Variants in SLC9A7 observed in about 807,000 individuals in gnomAD.
The protein encoded by SLC9A7 is sodium/hydrogen exchanger 7.
Under a neutral mutation model 52.6 loss-of-function variants are expected in SLC9A7, and 19 were observed. The ratio of observed to expected loss-of-function variants is 0.36; its 90% confidence interval spans 0.25 to 0.53. SLC9A7 has a LOEUF of 0.53. Ranked by LOEUF, SLC9A7 falls within the 20% of genes least tolerant of loss-of-function variation. SLC9A7 has a pLI of 0.91. For missense variants in SLC9A7, 455 were observed against 597.9 expected (o/e 0.76, Z 2.49); for synonymous variants, 226 against 252.1 (o/e 0.90, Z 0.98).
intron 1 of SLC9A7, among the ~76,000 whole-genome samples, chrX:46,731,908 A>G (rs1427481675): frequency 8.9e-6 from 1 of 112,310 alleles, no homozygotes; most frequent in East Asian, 2.8e-4. Flanking sequence ...ATCATTACTT[A>G]TAAGAGAAAT....
At position 46,713,512 on chromosome X, in the gene SLC9A7, A is replaced by G. The variant is rs5952929; in HGVS notation, c.326-30977T>C. On this transcript the variant is annotated intron_variant, in intron 1 of 16. Coordinates refer to ENST00000616978, the MANE Select transcript of SLC9A7 (RefSeq NM_001257291.2). The stretch of plus-strand genomic sequence containing the variant: ...GTACAACTCCATCTCAAAAAAAATT[A>G]AAAAAAAAAGACAAAAGAAAAGAAA... Among the ~76,000 whole-genome samples the G allele has an allele frequency of 4.7e-5, 5 of 105,606 alleles. No homozygotes were observed. In the South Asian group the frequency reaches 1.6e-3, roughly 35 times the overall value. The allele number at this position is 105,606 out of a possible 115,157, so 91.7% of individuals were successfully genotyped here.
intron 12 of SLC9A7, among the ~76,000 whole-genome samples, 172 bp downstream of exon 12, chrX:46,643,064 T>G (rs1179104898): frequency 8.9e-6 from 1 of 112,014 alleles, no homozygotes; most frequent in Admixed American, 9.4e-5. Flanking sequence ...AACCCCATAC[T>G]CCAAACTTTT....
In SLC9A7 at chrX:46,758,680, C is replaced by CG. The variant is rs781911689; in HGVS notation, c.325+24dup. The CG allele has an allele frequency of 6.6e-6, 7 of 1,061,868 alleles. 1 individual carries two copies. The highest frequency in any genetic ancestry group is 2.7e-4 in the Middle Eastern group (1 of 3,656). The allele number at this position is 1,061,868 out of a possible 1,213,427, so 87.5% of individuals were successfully genotyped here. ...CGCGGCGGCCGAGGGGTGTGGAGGG[C>CG]GGGGGGTGTAACAGGGGTGCTCACC... On this transcript the variant is annotated intron_variant, in intron 1 of 16. Coordinates refer to ENST00000616978, the MANE Select transcript of SLC9A7 (RefSeq NM_001257291.2).
chrX:46,672,654 A>C (rs1427975504), intron 3 of SLC9A7, 27 bp from the exon 4 acceptor site: 1 of 1,071,675 alleles, frequency 9.3e-7, no homozygotes, highest in Non-Finnish European at 1.3e-6. Context: ...AACAAAACCC[A>C]GGAATCACAT....
intron 1 of SLC9A7, among the ~76,000 whole-genome samples, chrX:46,717,690 T>A (rs1290880247): frequency 9.0e-6 from 1 of 111,675 alleles, no homozygotes; most frequent in East Asian, 2.8e-4. Context: ...CCAATCTTTA[T>A]TCATTTCAGA....
intron 1 of SLC9A7, among the ~76,000 whole-genome samples, chrX:46,735,020 T>C (rs1445337298): frequency 8.9e-6 from 1 of 112,161 alleles, no homozygotes; most frequent in Non-Finnish European, 1.9e-5. Flanking sequence ...AATGTATCTA[T>C]GTCTTTATAT....
intron 1 of SLC9A7, among the ~76,000 whole-genome samples, chrX:46,708,318 G>A (rs764795846): frequency 4.2e-4 from 46 of 110,516 alleles, no homozygotes; most frequent in Non-Finnish European, 7.6e-4. Flanking sequence ...ACCTGAGGTC[G>A]GGAGTTGGAG....
At chrX:46,653,295 T>G (rs1943613401) in intron 8 of SLC9A7, among the ~76,000 whole-genome samples, 1 of 110,841 alleles carries the variant, frequency 9.0e-6, no homozygotes, top group Non-Finnish European at 1.9e-5. Context: ...CTTGGGAGGG[T>G]GAAGGGGGAA....
intron 1 of SLC9A7, among the ~76,000 whole-genome samples, chrX:46,702,497 A>G (rs1944546083): frequency 1.8e-5 from 2 of 111,247 alleles, no homozygotes; most frequent in African/African-American, 3.3e-5. Context: ...CATGTGTACT[A>G]ATGTTTAGCT....
rs776750971 is a variant in SLC9A7 at position 46,666,626 on chromosome X, G to A, written c.793+2981C>T. Among the ~76,000 whole-genome samples, 4 of 112,055 alleles carry A rather than the reference G, an allele frequency of 3.6e-5. No individual in the cohort carries two copies. In the South Asian group the frequency reaches 1.1e-3, roughly 31 times the overall value. ...AGTCTTCATAGGCCAAATGAAAATG[G>A]AGTAGCATGGTAATGCCTTCCATTA... On this transcript the variant is annotated intron_variant, in intron 5 of 16. Coordinates refer to ENST00000616978, the MANE Select transcript of SLC9A7 (RefSeq NM_001257291.2).
chrX:46,750,010 G>T (rs1922119980), intron 1 of SLC9A7, among the ~76,000 whole-genome samples: 1 of 110,082 alleles, frequency 9.1e-6, no homozygotes, highest in South Asian at 4.0e-4. Flanking sequence ...GAACCCAGGA[G>T]GCGGAGGTTG....
intron 3 of SLC9A7, among the ~76,000 whole-genome samples, chrX:46,679,162 G>A (rs1016124858): frequency 2.7e-5 from 3 of 111,635 alleles, no homozygotes; most frequent in Non-Finnish European, 3.8e-5. Flanking sequence ...TTTTTCACTC[G>A]GCATAATGCC....
chrX:46,669,441 C>T (rs1209071387), intron 5 of SLC9A7, among the ~76,000 whole-genome samples, 166 bp downstream of exon 5: 1 of 109,985 alleles, frequency 9.1e-6, no homozygotes, highest in Non-Finnish European at 1.9e-5. Context: ...GAAAAGCCAT[C>T]TAAGTCTGTT....
At chrX:46,724,200 C>T (rs140465775) in intron 1 of SLC9A7, among the ~76,000 whole-genome samples, 21 of 111,800 alleles carry the variant, frequency 1.9e-4, no homozygotes, top group African/African-American at 6.5e-4. Flanking sequence ...TGAGAATAGC[C>T]CATTGCGGTT....
intron 14 of SLC9A7, among the ~76,000 whole-genome samples, 154 bp from the exon 15 acceptor site, chrX:46,621,213 T>C (rs1402995515): frequency 8.9e-6 from 1 of 112,251 alleles, no homozygotes; most frequent in Non-Finnish European, 1.9e-5. Flanking sequence ...GGAGGTAGCA[T>C]TTGAGCAGAA....
At chrX:46,656,637 AT>A (rs1173175724) in intron 7 of SLC9A7, among the ~76,000 whole-genome samples, 6 of 112,100 alleles carry the variant, frequency 5.4e-5, no homozygotes, top group Non-Finnish European at 1.1e-4. Context: ...GGAAGATGAA[AT>A]GAATGAAATG....
chrX:46,672,029 C>G (rs1174671464), intron 4 of SLC9A7, among the ~76,000 whole-genome samples: 1 of 112,035 alleles, frequency 8.9e-6, no homozygotes, highest in Non-Finnish European at 1.9e-5. Context: ...CAATCACTTA[C>G]TTATATCCAT....
chrX:46,660,413 T>C (rs1261203586), intron 7 of SLC9A7, among the ~76,000 whole-genome samples: 1 of 110,030 alleles, frequency 9.1e-6, no homozygotes, highest in Non-Finnish European at 1.9e-5. Flanking sequence ...CAAAAGAAAC[T>C]ACCATCAGAG....
At chrX:46,718,447 G>T (rs1944805976) in intron 1 of SLC9A7, among the ~76,000 whole-genome samples, 1 of 112,001 alleles carries the variant, frequency 8.9e-6, no homozygotes, top group African/African-American at 3.2e-5. Context: ...ATTGACAAAT[G>T]GGATCTAATT....
Sources: allele counts gnomAD v4.1 joint callset (sites outside exome capture counted in the v4.1 genomes callset), GRCh38; gene constraint gnomAD v4.1.1; transcripts MANE v1.5; gene names NCBI Gene and HGNC (gene_info 2026-07-23, HGNC 2026-07-21).